The following CYP7B1 variants were observed in gnomAD, a reference collection of about 807,000 sequenced individuals.
The protein encoded by CYP7B1 is cytochrome P450 7B1.
Under a neutral mutation model 42.7 loss-of-function variants are expected in CYP7B1, and 29 were observed. That is an observed-to-expected ratio of 0.68 (90% CI 0.51 to 0.93). The LOEUF (loss-of-function observed/expected upper bound fraction) is 0.93, where lower values mean the gene tolerates loss of function less well. CYP7B1 is among the 40% of genes least tolerant of loss of function. The pLI, the probability that CYP7B1 is intolerant of heterozygous loss-of-function variation, is 0.00. For missense variants in CYP7B1, 655 were observed against 600.5 expected (o/e 1.09, Z -0.95); for synonymous variants, 235 against 218.2 (o/e 1.08, Z -0.68).
intron 1 of CYP7B1, among the ~76,000 whole-genome samples, chr8:64,751,674 T>A (rs1340840456): frequency 6.6e-6 from 1 of 152,204 alleles, no homozygotes; most frequent in East Asian, 1.9e-4. Flanking sequence ...GGGAAAATTG[T>A]CTTTCAGAAA....
chr8:64,607,398 T>TAAAAAAA (rs5891968), intron 4 of CYP7B1, among the ~76,000 whole-genome samples: 3 of 143,958 alleles, frequency 2.1e-5, no homozygotes, highest in Non-Finnish European at 3.0e-5. Flanking sequence ...GCTCTAGAAT[T>TAAAAAAA]AAAAAAAAAA....
rs1807146798 is a variant in CYP7B1, at chr8:64,715,826, A to G, written c.122+82640T>C. Among the ~76,000 whole-genome samples the G allele has an allele frequency of 2.0e-5, 3 of 152,346 alleles. 1 individual carries two copies. The highest frequency in any genetic ancestry group is 4.1e-4 in the South Asian group (2 of 4,826). On this transcript the variant is annotated intron_variant, in intron 1 of 5. Coordinates refer to ENST00000310193, the MANE Select transcript of CYP7B1 (RefSeq NM_004820.5). ...GTTCTTAACACGGACACAGCCTGTA[A>G]TTACAGTTGCAGGGGAAACCACTAA...
At chr8:64,754,431 A>G (rs1288744269) in intron 1 of CYP7B1, among the ~76,000 whole-genome samples, 1 of 152,214 alleles carries the variant, frequency 6.6e-6, no homozygotes, top group Non-Finnish European at 1.5e-5. Context: ...GCTTGCCCTA[A>G]CAGTAAGTTG....
chr8:64,777,496 T>C (rs1396808959), intron 1 of CYP7B1, among the ~76,000 whole-genome samples: 1 of 152,074 alleles, frequency 6.6e-6, no homozygotes, highest in African/African-American at 2.4e-5. Context: ...CTAAAATGAA[T>C]AAAATCTGAG....
chr8:64,768,646 C>A (rs57148757), intron 1 of CYP7B1, among the ~76,000 whole-genome samples: 12,283 of 152,178 alleles, frequency 0.081, 744 homozygotes, highest in African/African-American at 0.16. Context: ...TCATTTATGC[C>A]TCATGTCAAA....
At chr8:64,786,081 C>A (rs1202309082) in intron 1 of CYP7B1, among the ~76,000 whole-genome samples, 1 of 152,170 alleles carries the variant, frequency 6.6e-6, no homozygotes, top group Non-Finnish European at 1.5e-5. Context: ...CAGGTCCCTC[C>A]CACCACATGG....
At chr8:64,627,013 C>T (rs1023816344) in intron 1 of CYP7B1, among the ~76,000 whole-genome samples, 1 of 152,122 alleles carries the variant, frequency 6.6e-6, no homozygotes, top group African/African-American at 2.4e-5. Context: ...TCAGATCTTT[C>T]AGGGGAAAGA....
intron 1 of CYP7B1, among the ~76,000 whole-genome samples, chr8:64,771,064 T>TTTTTTTTTTTTTTG (rs1804215879): frequency 8.3e-6 from 1 of 119,822 alleles, no homozygotes; most frequent in Non-Finnish European, 1.7e-5. Flanking sequence ...TTTTTTTTTT[T>TTTTTTTTTTTTTTG]TTTTTTTTTT....
intron 1 of CYP7B1, among the ~76,000 whole-genome samples, chr8:64,692,031 T>C (rs1378801317): frequency 2.0e-5 from 3 of 152,046 alleles, no homozygotes; most frequent in Admixed American, 2.0e-4. Flanking sequence ...GGCCAAAACA[T>C]TATTAGAAAA....
intron 2 of CYP7B1, among the ~76,000 whole-genome samples, chr8:64,616,617 T>A (rs1805453441): frequency 5.3e-5 from 8 of 152,234 alleles, no homozygotes; most frequent in Admixed American, 4.6e-4. Flanking sequence ...ATACTTCTCA[T>A]ATATTTCCCT....
intron 1 of CYP7B1, among the ~76,000 whole-genome samples, chr8:64,641,102 C>A (rs1178545891): frequency 1.3e-5 from 2 of 152,154 alleles, no homozygotes; most frequent in African/African-American, 4.8e-5. Context: ...AATCTAATTT[C>A]CATATTCAAC....
At chr8:64,772,206 C>T (rs1804246438) in intron 1 of CYP7B1, among the ~76,000 whole-genome samples, 1 of 152,172 alleles carries the variant, frequency 6.6e-6, no homozygotes, top group Non-Finnish European at 1.5e-5. Context: ...TAAACCCAAC[C>T]CTCCTCTCAT....
intron 1 of CYP7B1, among the ~76,000 whole-genome samples, chr8:64,753,631 C>T (rs1052203962): frequency 1.3e-5 from 2 of 152,158 alleles, no homozygotes; most frequent in African/African-American, 4.8e-5. Flanking sequence ...CCTCATGAGG[C>T]CTACATTGTA....
intron 1 of CYP7B1, among the ~76,000 whole-genome samples, chr8:64,667,955 C>G (rs974328841): frequency 1.3e-5 from 2 of 152,164 alleles, no homozygotes; most frequent in Non-Finnish European, 2.9e-5. Flanking sequence ...TGAAATAGTC[C>G]TATCAAATTC....
At chr8:64,691,901 C>G (rs1355619327) in intron 1 of CYP7B1, among the ~76,000 whole-genome samples, 1 of 152,144 alleles carries the variant, frequency 6.6e-6, no homozygotes, top group African/African-American at 2.4e-5. Flanking sequence ...CTGTGAACAC[C>G]CAAAGGGCCA....
Position 64,629,956 on chromosome 8 carries a change from C to A in CYP7B1, c.123-5417G>T, listed in dbSNP as rs77035075. Reference sequence around the variant, plus strand: ...GCCCCAGTGAGAGGCCTGGTGGGGACAAGGAAGCACAAGGCCACAATGTAT... The same window carrying A: ...GCCCCAGTGAGAGGCCTGGTGGGGAAAAGGAAGCACAAGGCCACAATGTAT... On this transcript the variant is annotated intron_variant, in intron 1 of 5. Transcript: ENST00000310193. Among the ~76,000 whole-genome samples, 169 of 152,122 alleles carry A rather than the reference C, an allele frequency of 1.1e-3. 4 individuals carry two copies. In the East Asian group the frequency reaches 0.03, roughly 27 times the overall value.
chr8:64,689,684 A>T (rs892348898), intron 1 of CYP7B1, among the ~76,000 whole-genome samples: 2 of 151,874 alleles, frequency 1.3e-5, no homozygotes, highest in African/African-American at 4.8e-5. Context: ...CTCCTGCCTC[A>T]GCCTCCTGAG....
chr8:64,615,193 G>C lies in CYP7B1; in HGVS notation c.890C>G (p.Thr297Ser). 6.2e-7 allele frequency: 1 copy of C among 1,613,476 alleles called. No homozygotes were observed. Among genetic ancestry groups the C allele is most frequent in the South Asian group, 1.1e-5 (1 of 91,068 alleles). The change falls in exon 4 of 6, where the codon ACT (threonine) becomes AGT (serine). Residue 297 changes from threonine to serine, a missense_variant. Transcript: ENST00000310193. Reference protein sequence around the residue: ...LGFLWASVANTIPTMFWAMYY... With the variant: ...LGFLWASVANSIPTMFWAMYY... ...CATTGCCCAGAACATAGTTGGAATAGTGTTTGCCACAGAGGCCCAGAGAAA... is the reference window on the plus strand; with the variant it reads ...CATTGCCCAGAACATAGTTGGAATACTGTTTGCCACAGAGGCCCAGAGAAA...
chr8:64,669,328 C>G (rs1806330130), intron 1 of CYP7B1, among the ~76,000 whole-genome samples: 1 of 151,968 alleles, frequency 6.6e-6, no homozygotes, highest in Non-Finnish European at 1.5e-5. Flanking sequence ...GTACGTTACA[C>G]ATAACTCTAT....
Sources: allele counts gnomAD v4.1 joint callset (sites outside exome capture counted in the v4.1 genomes callset), GRCh38; gene constraint gnomAD v4.1.1; transcripts MANE v1.5; gene names NCBI Gene and HGNC (gene_info 2026-07-23, HGNC 2026-07-21).